The following GULP1 variants were observed in gnomAD, a reference collection of about 807,000 sequenced individuals.
GULP1 encodes GULP PTB domain containing engulfment adaptor 1.
A neutral mutation model predicts 40.9 loss-of-function variants in GULP1; 19 were observed. The ratio of observed to expected loss-of-function variants is 0.46; its 90% confidence interval spans 0.32 to 0.68. The LOEUF (loss-of-function observed/expected upper bound fraction) is 0.68. Ranked by LOEUF, GULP1 falls within the 30% of genes least tolerant of loss-of-function variation. The probability of loss-of-function intolerance (pLI) is 0.03; values close to 1 mark genes in which losing one functional copy is unlikely to be tolerated. For synonymous variants in GULP1, 119 were observed against 117.6 expected (o/e 1.01, Z -0.08); for missense variants, 312 against 362.2 (o/e 0.86, Z 1.12).
chr2:188,485,235 G>C (rs1028115043), intron 4 of GULP1, among the ~76,000 whole-genome samples: 2 of 151,822 alleles, frequency 1.3e-5, no homozygotes, highest in East Asian at 3.9e-4. Context: ...CTTTAACTCC[G>C]CCAATCATTC....
chr2:188,475,888 A>C (rs1251134371), intron 2 of GULP1, among the ~76,000 whole-genome samples: 1 of 152,124 alleles, frequency 6.6e-6, no homozygotes, highest in African/African-American at 2.4e-5. Context: ...GTTTTGAAAA[A>C]AAAGAGAAGT....
chr2:188,452,591 T>G (rs755515092), intron 2 of GULP1, among the ~76,000 whole-genome samples: 9 of 152,190 alleles, frequency 5.9e-5, no homozygotes, highest in Admixed American at 1.3e-4. Flanking sequence ...GCATAATAAA[T>G]ACACTGTTAA....
At chr2:188,450,455 G>A (rs555398944) in intron 2 of GULP1, among the ~76,000 whole-genome samples, 6 of 152,190 alleles carry the variant, frequency 3.9e-5, no homozygotes, top group African/African-American at 9.6e-5. Flanking sequence ...GTAATTAGAT[G>A]TAGGAAACTA....
chr2:188,431,736 T>C (rs1324860125), intron 2 of GULP1, among the ~76,000 whole-genome samples: 1 of 152,092 alleles, frequency 6.6e-6, no homozygotes, highest in Non-Finnish European at 1.5e-5. Flanking sequence ...TTCTATTTTG[T>C]TGTAGATATC....
At chr2:188,533,956 T>G (rs895214968) in intron 6 of GULP1, among the ~76,000 whole-genome samples, 5 of 152,148 alleles carry the variant, frequency 3.3e-5, no homozygotes, top group Admixed American at 2.6e-4. Flanking sequence ...GCAGAATAAC[T>G]GTTATTAAAA....
intron 2 of GULP1, among the ~76,000 whole-genome samples, chr2:188,392,755 C>T (rs1052369504): frequency 6.6e-6 from 1 of 151,916 alleles, no homozygotes; most frequent in East Asian, 1.9e-4. Flanking sequence ...TTTAGCATTG[C>T]TTTTGCTTCA....
At chr2:188,298,788 G>A (rs2035538172) in intron 1 of GULP1, among the ~76,000 whole-genome samples, 1 of 152,158 alleles carries the variant, frequency 6.6e-6, no homozygotes, top group Admixed American at 6.5e-5. Context: ...TTCTAGAGTA[G>A]TACAGATGAG....
At chr2:188,539,181 G>A (rs1439408859) in intron 6 of GULP1, among the ~76,000 whole-genome samples, 1 of 152,020 alleles carries the variant, frequency 6.6e-6, no homozygotes, top group Non-Finnish European at 1.5e-5. Context: ...TTCAGCACCA[G>A]CTAAGTGAAT....
At chr2:188,446,196 A>T (rs2058370166) in intron 2 of GULP1, among the ~76,000 whole-genome samples, 1 of 152,138 alleles carries the variant, frequency 6.6e-6, no homozygotes, top group South Asian at 2.1e-4. Context: ...GCATTTATAT[A>T]TGATTACCTA....
intron 1 of GULP1, among the ~76,000 whole-genome samples, chr2:188,314,217 CT>C (rs2106424288): frequency 6.6e-6 from 1 of 152,094 alleles, no homozygotes; most frequent in South Asian, 2.1e-4. Flanking sequence ...ATGGAGGTCA[CT>C]TTGGTGAGAA....
chr2:188,325,497 T>C (rs112657566), intron 1 of GULP1, among the ~76,000 whole-genome samples: 4 of 152,250 alleles, frequency 2.6e-5, no homozygotes, highest in South Asian at 2.1e-4. Flanking sequence ...GCAAAATATT[T>C]TTTTCTGATT....
intron 1 of GULP1, among the ~76,000 whole-genome samples, chr2:188,354,272 C>G (rs985876743): frequency 2.0e-5 from 3 of 152,114 alleles, no homozygotes; most frequent in Non-Finnish European, 2.9e-5. Flanking sequence ...GTCTCTGAGC[C>G]CTGTTGGGTC....
rs183619753 is a variant in GULP1 at position 188,425,618 on chromosome 2, C to T, written c.-45+41729C>T. ...TATCTTACATTTATATCTCTTTTCA[C>T]GTATATTTTCCAGTTCTCAATAGCA... is the stretch of plus-strand genomic sequence containing the variant. On this transcript the variant is annotated intron_variant, in intron 2 of 11. Coordinates refer to ENST00000409830, the MANE Select transcript of GULP1 (RefSeq NM_016315.4). Among the ~76,000 whole-genome samples the T allele has an allele frequency of 7.2e-4, 110 of 152,234 alleles. 2 individuals are homozygous for T. Among genetic ancestry groups the T allele is most frequent in the African/African-American group, 2.3e-3 (94 of 41,574 alleles).
intron 4 of GULP1, among the ~76,000 whole-genome samples, chr2:188,515,236 C>T (rs1201668240): frequency 1.6e-4 from 24 of 152,116 alleles, no homozygotes; most frequent in Admixed American, 1.6e-3. Flanking sequence ...ATTAATGTCT[C>T]ACTTGCATGA....
Position 188,329,144 on chromosome 2 carries a change from CT to C in GULP1, c.-172+36989del, listed in dbSNP as rs75423691. Among the ~76,000 whole-genome samples the C allele has an allele frequency of 8.0e-4, 118 of 146,948 alleles. 2 individuals are homozygous for C. The highest frequency in any genetic ancestry group is 6.5e-3 in the South Asian group (30 of 4,648). On this transcript the variant is annotated intron_variant, in intron 1 of 11. Transcript: ENST00000409830. ...TCAAGGCAGCCCTCTCTATTGGACT[CT>C]TTTTTTTTTTGAGTTTCTGTTATCT...
At chr2:188,478,449 A>G (rs1017793288) in intron 3 of GULP1, among the ~76,000 whole-genome samples, 1 of 152,106 alleles carries the variant, frequency 6.6e-6, no homozygotes, top group African/African-American at 2.4e-5. Flanking sequence ...AGTGGAGAGC[A>G]TGGGGCTCTC....
chr2:188,457,600 A>G (rs2059372772), intron 2 of GULP1, among the ~76,000 whole-genome samples: 1 of 152,212 alleles, frequency 6.6e-6, no homozygotes, highest in South Asian at 2.1e-4. Flanking sequence ...CATGAAATGG[A>G]CTAATACAGT....
chr2:188,300,560 A>C (rs1355087347), intron 1 of GULP1, among the ~76,000 whole-genome samples: 5 of 152,172 alleles, frequency 3.3e-5, no homozygotes, highest in African/African-American at 1.2e-4. Flanking sequence ...TATCTTATGA[A>C]GGGGACCTAT....
Position 188,584,423 on chromosome 2 carries a change from CA to C in GULP1, c.748+23del. On this transcript the variant is annotated intron_variant, in intron 10 of 11. Coordinates refer to ENST00000409830, the MANE Select transcript of GULP1 (RefSeq NM_016315.4). ...AGATTAGTAAGCTTTCTCAACAAAT[CA>C]AAGTTTCTTGTTATAGTTGCATACA... is the stretch of plus-strand genomic sequence containing the variant. 1 of 1,493,042 alleles carries C rather than the reference CA, an allele frequency of 6.7e-7. No individual in the cohort carries two copies. The highest frequency in any genetic ancestry group is 1.3e-5 in the South Asian group (1 of 74,082). 92.5% of individuals were successfully genotyped at this position (1,493,042 alleles called of 1,614,324 possible). A position where few individuals can be genotyped will look rare whatever the true frequency, so the allele number is the denominator to read the frequency against.
Sources: gnomAD v4.1 joint callset for allele counts (sites outside exome capture counted in the v4.1 genomes callset) on GRCh38, gnomAD v4.1.1 for gene constraint, MANE v1.5 for transcripts, NCBI Gene and HGNC (gene_info 2026-07-23, HGNC 2026-07-21) for gene names.